The following TUSC3 variants were observed in gnomAD, a reference collection of about 807,000 sequenced individuals.
The protein encoded by TUSC3 is dolichyl-diphosphooligosaccharide--protein glycosyltransferase subunit TUSC3.
In TUSC3, 45 loss-of-function variants were observed where a neutral mutation model predicts 44.8. The observed-to-expected ratio is 1.00, with a 90% confidence interval of 0.79 to 1.29. The LOEUF (loss-of-function observed/expected upper bound fraction) is 1.29. TUSC3 is among the 50% of genes most tolerant of loss of function. TUSC3 has a pLI of 0.00. For synonymous variants in TUSC3, 212 were observed against 152.9 expected, an observed-to-expected ratio of 1.39 and a Z score of -2.85; for missense variants, 519 against 437.9, an observed-to-expected ratio of 1.19 and a Z score of -1.65.
chr8:15,436,768 C>T (rs915427146), intron 1 of TUSC3, among the ~76,000 whole-genome samples: 2 of 152,132 alleles, frequency 1.3e-5, no homozygotes, highest in Non-Finnish European at 2.9e-5. Context: ...GTGTCACTCA[C>T]CTCATTCACA....
At chr8:15,814,163 T>TGAA in the TUSC3 span, among the ~76,000 whole-genome samples, 2 of 152,194 alleles carry the variant, frequency 1.3e-5, no homozygotes, top group African/African-American at 4.8e-5. Context: ...CTTACCAGAA[T>TGAA]GAAGAGATTA....
At chr8:15,458,979 A>G (rs1800303345) in intron 1 of TUSC3, among the ~76,000 whole-genome samples, 1 of 152,238 alleles carries the variant, frequency 6.6e-6, no homozygotes. Context: ...CTTTTCACCA[A>G]ATAGACCAGG....
the TUSC3 span, among the ~76,000 whole-genome samples, chr8:15,800,460 C>G: frequency 1.3e-5 from 2 of 151,890 alleles, no homozygotes; most frequent in Non-Finnish European, 2.9e-5. Flanking sequence ...ATAGTCTCAG[C>G]TACTTGGGGG....
intron 2 of TUSC3, among the ~76,000 whole-genome samples, chr8:15,521,047 G>C (rs1267014420): frequency 6.6e-6 from 1 of 152,190 alleles, no homozygotes; most frequent in Non-Finnish European, 1.5e-5. Flanking sequence ...ATTGAGTCCA[G>C]CTTGACGAGT....
intron 2 of TUSC3, among the ~76,000 whole-genome samples, chr8:15,505,961 C>A (rs1254382681): frequency 6.6e-6 from 1 of 152,094 alleles, no homozygotes; most frequent in Non-Finnish European, 1.5e-5. Context: ...AGGCTAAAAG[C>A]AATTTTTAAA....
At chr8:15,624,523 C>G (rs1805402133) in intron 2 of TUSC3, among the ~76,000 whole-genome samples, 1 of 152,132 alleles carries the variant, frequency 6.6e-6, no homozygotes, top group Admixed American at 6.5e-5. Flanking sequence ...GTAGTAATAC[C>G]TCATTGTGAT....
chr8:15,710,840 A>G (rs1465079931), intron 6 of TUSC3, among the ~76,000 whole-genome samples: 1 of 147,760 alleles, frequency 6.8e-6, no homozygotes, highest in African/African-American at 2.5e-5. Context: ...ATATATATAT[A>G]TTCACTTCAT....
intron 1 of TUSC3, among the ~76,000 whole-genome samples, chr8:15,619,610 G>T (rs969561915): frequency 1.3e-5 from 2 of 152,012 alleles, no homozygotes; most frequent in Non-Finnish European, 2.9e-5. Context: ...TCCTGCCTCA[G>T]CCTCTGGAGT....
chr8:15,601,115 T>C (rs1033346159), intron 1 of TUSC3, among the ~76,000 whole-genome samples: 7 of 151,762 alleles, frequency 4.6e-5, no homozygotes, highest in African/African-American at 1.7e-4. Flanking sequence ...ACAGTATCCA[T>C]AGGTAGCAAG....
intron 1 of TUSC3, among the ~76,000 whole-genome samples, chr8:15,469,887 G>C (rs1337419405): frequency 2.0e-5 from 3 of 152,308 alleles, no homozygotes; most frequent in Admixed American, 2.0e-4. Flanking sequence ...AAAGAAGCCA[G>C]TCTGAAAAGA....
intron 2 of TUSC3, among the ~76,000 whole-genome samples, chr8:15,502,294 T>G (rs954107304): frequency 6.6e-6 from 1 of 152,238 alleles, no homozygotes; most frequent in Admixed American, 6.5e-5. Flanking sequence ...CCAATTAAAT[T>G]GTTAAATATC....
chr8:15,851,534 T>C, the TUSC3 span, among the ~76,000 whole-genome samples: 4 of 152,184 alleles, frequency 2.6e-5, no homozygotes, highest in African/African-American at 9.6e-5. Flanking sequence ...ATGAAGAAAC[T>C]CTGATTAGAG....
chr8:15,711,023 G>C (rs1439302335), intron 6 of TUSC3, among the ~76,000 whole-genome samples: 1 of 151,448 alleles, frequency 6.6e-6, no homozygotes, highest in African/African-American at 2.4e-5. Context: ...CTTATGTATA[G>C]TAAATTAAGA....
chr8:15,698,155 C>T (rs990139647), intron 6 of TUSC3, among the ~76,000 whole-genome samples: 2 of 151,832 alleles, frequency 1.3e-5, no homozygotes, highest in African/African-American at 4.8e-5. Flanking sequence ...CAAAGTAAGC[C>T]CTGTTCCTAA....
intron 2 of TUSC3, among the ~76,000 whole-genome samples, chr8:15,506,518 A>G (rs1452820976): frequency 6.6e-6 from 1 of 152,194 alleles, no homozygotes; most frequent in Non-Finnish European, 1.5e-5. Flanking sequence ...GTAATTTGTA[A>G]AGAAAAGGAG....
chr8:15,434,268 TTGAC>T (rs760362920), intron 1 of TUSC3, among the ~76,000 whole-genome samples: 5 of 152,190 alleles, frequency 3.3e-5, no homozygotes, highest in Admixed American at 6.5e-5. Context: ...GTTAAAGCCT[TTGAC>T]TGGTATTAAC....
intron 2 of TUSC3, among the ~76,000 whole-genome samples, chr8:15,531,230 C>T (rs1801444584): frequency 6.6e-6 from 1 of 152,150 alleles, no homozygotes; most frequent in Non-Finnish European, 1.5e-5. Context: ...CCCAGGTGTA[C>T]TTTCCTTTGC....
chr8:15,683,201 C>T (rs1050767683), intron 6 of TUSC3, among the ~76,000 whole-genome samples: 1 of 152,076 alleles, frequency 6.6e-6, no homozygotes, highest in Non-Finnish European at 1.5e-5. Flanking sequence ...ATTTCTCTAG[C>T]GAGATTGGGA....
intron 1 of TUSC3, among the ~76,000 whole-genome samples, chr8:15,433,963 G>T (rs1051751236): frequency 4.1e-4 from 63 of 151,998 alleles, no homozygotes; most frequent in Non-Finnish European, 4.4e-4. Flanking sequence ...TTTATTTTTG[G>T]ACGGTAAACA....
Sources: allele counts gnomAD v4.1 joint callset (sites outside exome capture counted in the v4.1 genomes callset), GRCh38; gene constraint gnomAD v4.1.1; transcripts MANE v1.5; gene names NCBI Gene and HGNC (gene_info 2026-07-23, HGNC 2026-07-21).